Variants in AKR1A1 observed in about 807,000 individuals in gnomAD.
AKR1A1 encodes the protein HEL-S-165mP.
A neutral mutation model predicts 39.2 loss-of-function variants in AKR1A1; 26 were observed. The ratio of observed to expected loss-of-function variants is 0.66; its 90% confidence interval spans 0.49 to 0.92. AKR1A1 has a LOEUF of 0.92. Ranked by LOEUF, AKR1A1 falls within the 40% of genes least tolerant of loss-of-function variation. The pLI is 0.00. For synonymous variants in AKR1A1, 141 were observed against 155.5 expected (o/e 0.91, Z 0.69); for missense variants, 378 against 406.5 (o/e 0.93, Z 0.60).
At chr1:45,553,561 C>T (rs1180706453) in intron 1 of AKR1A1, among the ~76,000 whole-genome samples, 1 of 152,172 alleles carries the variant, frequency 6.6e-6, no homozygotes, top group Non-Finnish European at 1.5e-5. Flanking sequence ...TTATTGCAAT[C>T]TTAGGTCTTA....
chr1:45,558,492 G>A (rs748467641), intron 1 of AKR1A1, among the ~76,000 whole-genome samples: 6 of 148,442 alleles, frequency 4.0e-5, no homozygotes, highest in Admixed American at 6.9e-5. Flanking sequence ...TCCACCTCCC[G>A]AGTTCAAGCG....
intron 2 of AKR1A1, among the ~76,000 whole-genome samples, chr1:45,563,657 T>C (rs1397210589): frequency 6.6e-6 from 1 of 151,536 alleles, no homozygotes; most frequent in Non-Finnish European, 1.5e-5. Flanking sequence ...GGCGTGGTGG[T>C]GCATGCCTGT....
In AKR1A1 at chr1:45,558,551, C is replaced by T. The variant is rs527561023; in HGVS notation, c.-6-3238C>T. On this transcript the variant is annotated intron_variant, in intron 1 of 8. Transcript: ENST00000351829. ...AGTATCTGGGACCACAGGCATGTGCCACCATGCCCGGCTAATTTTTGTATT... is the reference window on the plus strand; with the variant it reads ...AGTATCTGGGACCACAGGCATGTGCTACCATGCCCGGCTAATTTTTGTATT... Among the ~76,000 whole-genome samples, 16 of 152,088 alleles carry T rather than the reference C, an allele frequency of 1.1e-4. No individual in the cohort carries two copies. The South Asian group carries it at 3.1e-3, about 30-fold the overall frequency.
intron 2 of AKR1A1, among the ~76,000 whole-genome samples, chr1:45,562,612 T>C (rs1282535210): frequency 6.6e-6 from 1 of 151,762 alleles, no homozygotes; most frequent in East Asian, 1.9e-4. Context: ...TGGGTTCAAG[T>C]GATTCTCCTG....
At chr1:45,561,547 G>A (rs1644277717) in intron 1 of AKR1A1, among the ~76,000 whole-genome samples, 2 of 152,116 alleles carry the variant, frequency 1.3e-5, no homozygotes, top group Non-Finnish European at 2.9e-5. Context: ...GGGACTACAG[G>A]TGCGCGCCAC....
In AKR1A1 at chr1:45,561,888, G is replaced by A; in HGVS notation, c.84+10G>A. 1.2e-6 allele frequency: 2 copies of A among 1,613,704 alleles called. No individual in the cohort carries two copies. The highest frequency in any genetic ancestry group is 1.7e-6 in the Non-Finnish European group (2 of 1,179,756). ...GAGTGAGCCTGGTCAGGTGAGGGAT[G>A]GGGGAAGAAAAAAGAAACTTGTTGA... On this transcript the variant is annotated intron_variant, in intron 2 of 8. Transcript: ENST00000351829.
intron 2 of AKR1A1, among the ~76,000 whole-genome samples, chr1:45,565,681 G>C (rs1570911267): frequency 1.3e-5 from 2 of 151,628 alleles, no homozygotes; most frequent in African/African-American, 4.8e-5. Flanking sequence ...CACCATGTTG[G>C]CCAGGCTGGT....
At chr1:45,556,873 A>G (rs1644212130) in intron 1 of AKR1A1, among the ~76,000 whole-genome samples, 2 of 151,482 alleles carry the variant, frequency 1.3e-5, no homozygotes, top group Admixed American at 6.6e-5. Flanking sequence ...GTGAAACTCC[A>G]TCTCAAACAA....
chr1:45,567,806 G>C (rs917159219), intron 4 of AKR1A1, 176 bp from the exon 5 acceptor site: 2 of 568,950 alleles, frequency 3.5e-6, no homozygotes, highest in Non-Finnish European at 6.0e-6. Context: ...CAGCCTGGGC[G>C]GTAAAGCGAG....
At chr1:45,556,567 C>G (rs1472648086) in intron 1 of AKR1A1, among the ~76,000 whole-genome samples, 2 of 147,936 alleles carry the variant, frequency 1.4e-5, no homozygotes, top group African/African-American at 5.0e-5. Context: ...GGTGACGGAG[C>G]AAGACTCCGT....
chr1:45,569,670 C>T (rs1435829772), intron 8 of AKR1A1, among the ~76,000 whole-genome samples: 1 of 152,130 alleles, frequency 6.6e-6, no homozygotes, highest in Non-Finnish European at 1.5e-5. Flanking sequence ...GTTCAGACTG[C>T]AAACTCTTAG....
chr1:45,551,499 T>C (rs1264250727), intron 1 of AKR1A1, among the ~76,000 whole-genome samples: 3 of 152,236 alleles, frequency 2.0e-5, no homozygotes, highest in Admixed American at 1.3e-4. Context: ...CTGCTCCGGC[T>C]TTCTTATGCA....
At chr1:45,561,490 A>C (rs1644277037) in intron 1 of AKR1A1, among the ~76,000 whole-genome samples, 1 of 151,546 alleles carries the variant, frequency 6.6e-6, no homozygotes, top group South Asian at 2.1e-4. Context: ...TGCAACCTCC[A>C]CCTCCCAGGT....
At chr1:45,565,367 T>A (rs1644327650) in intron 2 of AKR1A1, among the ~76,000 whole-genome samples, 1 of 151,868 alleles carries the variant, frequency 6.6e-6, no homozygotes, top group South Asian at 2.1e-4. Context: ...CGACCTCAGG[T>A]GATCCACCCA....
Position 45,568,124 on chromosome 1 carries a change from C to G in AKR1A1, c.499C>G (p.Arg167Gly). The G allele has an allele frequency of 1.2e-6, 2 of 1,614,030 alleles. No individual in the cohort carries two copies. Among genetic ancestry groups the G allele is most frequent in the Non-Finnish European group, 1.7e-6 (2 of 1,180,000 alleles). Residue 167 changes from arginine to glycine, a missense_variant, in exon 5 of 9, where the codon CGG becomes GGG. Coordinates refer to ENST00000351829, the MANE Select transcript of AKR1A1 (RefSeq NM_153326.3). ...GCTGGGCCTGTCCAACTTCAACAGT[C>G]GGCAGATTGATGACATACTCAGTGT... is the stretch of plus-strand genomic sequence containing the variant. ...QALGLSNFNS[R>G]QIDDILSVAS...
intron 1 of AKR1A1, among the ~76,000 whole-genome samples, chr1:45,556,810 G>C (rs1644211172): frequency 6.6e-6 from 1 of 152,056 alleles, no homozygotes; most frequent in African/African-American, 2.4e-5. Flanking sequence ...CTGGGAGGTG[G>C]AGGTTGTGGT....
chr1:45,565,794 T>A (rs957150491), intron 2 of AKR1A1, among the ~76,000 whole-genome samples: 4 of 150,444 alleles, frequency 2.7e-5, no homozygotes, highest in South Asian at 2.1e-4. Context: ...TTTTTTTTTT[T>A]AAAGAGGTGG....
At chr1:45,553,410 G>C (rs1213595880) in intron 1 of AKR1A1, among the ~76,000 whole-genome samples, 1 of 131,090 alleles carries the variant, frequency 7.6e-6, no homozygotes, top group Non-Finnish European at 1.6e-5. Context: ...GACAGAGCGA[G>C]ACTCTGTCTC....
In AKR1A1 at chr1:45,569,235, G is replaced by T. The variant is rs1343959666; in HGVS notation, c.912+6G>T. On this transcript the variant is annotated splice_donor_region_variant and intron_variant, in intron 8 of 8. Transcript: ENST00000351829. Reference sequence around the variant, plus strand: ...ATATTGTGCCTATGCTTACGGTGAGGATGTATCAGCCTCCTAGACTTGGGG... The same window carrying T: ...ATATTGTGCCTATGCTTACGGTGAGTATGTATCAGCCTCCTAGACTTGGGG... 3 of 1,611,612 alleles carry T rather than the reference G, an allele frequency of 1.9e-6. No individual in the cohort carries two copies. Among genetic ancestry groups the T allele is most frequent in the Admixed American group, 3.3e-5 (2 of 60,002 alleles).
Sources: gnomAD v4.1 joint callset for allele counts (sites outside exome capture counted in the v4.1 genomes callset) on GRCh38, gnomAD v4.1.1 for gene constraint, MANE v1.5 for transcripts, NCBI Gene and HGNC (gene_info 2026-07-23, HGNC 2026-07-21) for gene names.